The following FHIT variants were observed in gnomAD, a reference collection of about 807,000 sequenced individuals.
FHIT encodes the protein bis(5'-adenosyl)-triphosphatase.
Under a neutral mutation model 17.9 loss-of-function variants are expected in FHIT, and 19 were observed. The ratio of observed to expected loss-of-function variants is 1.06; its 90% CI spans 0.74 to 1.56. The LOEUF is 1.56. Ranked by LOEUF, FHIT falls within the 40% of genes most tolerant of loss-of-function variation. The pLI is 0.00. For missense variants in FHIT, 248 were observed against 189.2 expected, an observed-to-expected ratio of 1.31 and a Z score of -1.82; for synonymous variants, 81 against 69.7, an observed-to-expected ratio of 1.16 and a Z score of -0.81.
intron 3 of FHIT, among the ~76,000 whole-genome samples, chr3:60,980,704 A>G (rs755677012): frequency 1.7e-4 from 26 of 152,190 alleles, no homozygotes; most frequent in Admixed American, 3.3e-4. Context: ...AGTCAGCATG[A>G]CACAGGAAAA....
At chr3:59,898,117 C>A (rs532839559) in intron 8 of FHIT, among the ~76,000 whole-genome samples, 114 of 152,222 alleles carry the variant, frequency 7.5e-4, no homozygotes, top group African/African-American at 2.6e-3. Flanking sequence ...CTGGAAAATT[C>A]CACATGTAGT....
At chr3:61,057,730 G>A (rs1044113886) in intron 2 of FHIT, among the ~76,000 whole-genome samples, 14 of 152,152 alleles carry the variant, frequency 9.2e-5, no homozygotes, top group Non-Finnish European at 2.1e-4. Context: ...CACTGCACTC[G>A]GGTGGCAGAT....
chr3:60,674,269 T>C (rs1244758315), intron 4 of FHIT, among the ~76,000 whole-genome samples: 1 of 152,164 alleles, frequency 6.6e-6, no homozygotes, highest in Non-Finnish European at 1.5e-5. Flanking sequence ...TAGTTTACAT[T>C]TGTTTCTCTG....
intron 5 of FHIT, among the ~76,000 whole-genome samples, chr3:60,240,891 G>A (rs1049616231): frequency 5.3e-5 from 8 of 152,002 alleles, no homozygotes; most frequent in African/African-American, 9.7e-5. Context: ...TTCTTCTGGA[G>A]GGAAAAAAAT....
intron 3 of FHIT, among the ~76,000 whole-genome samples, chr3:60,867,062 G>A (rs1704197581): frequency 2.0e-5 from 3 of 152,098 alleles, no homozygotes; most frequent in Admixed American, 2.0e-4. Context: ...GCCTACAATA[G>A]TCTTTTTAAT....
intron 4 of FHIT, among the ~76,000 whole-genome samples, chr3:60,704,718 G>A (rs1553703060): frequency 6.6e-6 from 1 of 152,132 alleles, no homozygotes; most frequent in Non-Finnish European, 1.5e-5. Flanking sequence ...GAAGAATAAA[G>A]TGATCCAATT....
chr3:59,971,861 G>A (rs1371429884), intron 7 of FHIT, among the ~76,000 whole-genome samples: 1 of 152,156 alleles, frequency 6.6e-6, no homozygotes, highest in Non-Finnish European at 1.5e-5. Context: ...GTGGCATACA[G>A]TAAAAACAAG....
At chr3:61,195,419 T>C (rs890393186) in intron 2 of FHIT, among the ~76,000 whole-genome samples, 2 of 152,132 alleles carry the variant, frequency 1.3e-5, no homozygotes, top group African/African-American at 4.8e-5. Flanking sequence ...GCAAGACATG[T>C]TATTGCTGAT....
intron 7 of FHIT, among the ~76,000 whole-genome samples, chr3:59,923,360 T>G (rs1186193510): frequency 6.6e-6 from 1 of 151,954 alleles, no homozygotes; most frequent in Non-Finnish European, 1.5e-5. Context: ...GAAATGAGGT[T>G]GCCTGGCTTT....
At chr3:60,414,988 T>C (rs3931996) in intron 5 of FHIT, among the ~76,000 whole-genome samples, 56,723 of 151,996 alleles carry the variant, frequency 0.37, 10,798 homozygotes, top group East Asian at 0.52. Flanking sequence ...AGCTTGTTAA[T>C]GGTGTAGATT....
intron 5 of FHIT, among the ~76,000 whole-genome samples, chr3:60,039,781 G>C (rs1374990103): frequency 6.6e-6 from 1 of 152,186 alleles, no homozygotes; most frequent in Non-Finnish European, 1.5e-5. Context: ...GAAGATCTTA[G>C]AACCAAATGT....
intron 5 of FHIT, among the ~76,000 whole-genome samples, chr3:60,045,949 T>C (rs1395145104): frequency 1.3e-5 from 2 of 152,158 alleles, no homozygotes; most frequent in East Asian, 1.9e-4. Flanking sequence ...AGGGTGGAGA[T>C]TCTGTACATT....
intron 3 of FHIT, among the ~76,000 whole-genome samples, chr3:60,928,997 C>A (rs1430334530): frequency 2.0e-5 from 3 of 152,178 alleles, no homozygotes; most frequent in Non-Finnish European, 1.5e-5. Context: ...TCCAGCAGCA[C>A]ATCAAAAAGC....
chr3:60,702,190 C>G (rs990162360), intron 4 of FHIT, among the ~76,000 whole-genome samples: 3 of 152,004 alleles, frequency 2.0e-5, no homozygotes, highest in Non-Finnish European at 2.9e-5. Context: ...TGAATATTAA[C>G]TTCATATATT....
chr3:60,824,155 G>A (rs937837429), intron 3 of FHIT, among the ~76,000 whole-genome samples: 4 of 152,124 alleles, frequency 2.6e-5, no homozygotes, highest in East Asian at 3.9e-4. Flanking sequence ...CTGGCTATTC[G>A]GTAAGAATAA....
chr3:60,104,046 A>C (rs1306126496), intron 5 of FHIT, among the ~76,000 whole-genome samples: 1 of 152,168 alleles, frequency 6.6e-6, no homozygotes, highest in Non-Finnish European at 1.5e-5. Flanking sequence ...TGACCCCTAC[A>C]TGAGGCCAGG....
At chr3:59,994,686 GC>G (rs1392013478) in intron 7 of FHIT, among the ~76,000 whole-genome samples, 1 of 151,978 alleles carries the variant, frequency 6.6e-6, no homozygotes, top group Non-Finnish European at 1.5e-5. Context: ...TAAAATGACG[GC>G]CCCAAGTGTC....
chr3:59,780,915 G>A (rs533295202), intron 8 of FHIT, among the ~76,000 whole-genome samples: 1 of 152,186 alleles, frequency 6.6e-6, no homozygotes, highest in South Asian at 2.1e-4. Context: ...GTGCTTCAGA[G>A]AGGATTAGAA....
intron 4 of FHIT, among the ~76,000 whole-genome samples, chr3:60,675,523 A>G (rs2107850807): frequency 6.6e-6 from 1 of 152,348 alleles, no homozygotes; most frequent in East Asian, 1.9e-4. Context: ...TTTAACAAGG[A>G]AGTTTAGAGA....
Sources: gnomAD v4.1 joint callset for allele counts (sites outside exome capture counted in the v4.1 genomes callset) on GRCh38, gnomAD v4.1.1 for gene constraint, MANE v1.5 for transcripts, NCBI Gene and HGNC (gene_info 2026-07-23, HGNC 2026-07-21) for gene names.